Variants in LYSMD2 observed in about 807,000 individuals in gnomAD.
LYSMD2 encodes LysM domain containing 2.
In LYSMD2, 6 loss-of-function variants were observed where a neutral mutation model predicts 17.7. The observed-to-expected ratio is 0.34, with a 90% confidence interval of 0.19 to 0.67. The LOEUF is 0.67. Ranked by LOEUF, LYSMD2 falls within the 30% of genes least tolerant of loss-of-function variation. The pLI is 0.69. For synonymous variants in LYSMD2, 102 were observed against 129.8 expected, an observed-to-expected ratio of 0.79 and a Z score of 1.45; for missense variants, 237 against 286.7, an observed-to-expected ratio of 0.83 and a Z score of 1.25.
At chr15:51,746,727 C>A (rs1296601104) in intron 1 of LYSMD2, among the ~76,000 whole-genome samples, 1 of 152,034 alleles carries the variant, frequency 6.6e-6, no homozygotes, top group East Asian at 1.9e-4. Flanking sequence ...TTCATCTATA[C>A]CCCACCCCAC....
intron 1 of LYSMD2, among the ~76,000 whole-genome samples, chr15:51,750,674 T>C (rs1302549838): frequency 6.6e-6 from 1 of 152,210 alleles, no homozygotes; most frequent in South Asian, 2.1e-4. Flanking sequence ...AAGTTAAATC[T>C]AGATGCCATG....
upstream of LYSMD2, chr15:51,737,779 G>A (rs1015128004): frequency 1.2e-5 from 6 of 485,142 alleles, no homozygotes; most frequent in East Asian, 8.7e-5. The surrounding 1 kb of genome is among the most constrained non-coding windows in gnomAD (Gnocchi z 4.2). Flanking sequence ...CCGCAGGCCG[G>A]GCATGGCGGG....
At chr15:51,745,558 A>C (rs1165687886) in intron 1 of LYSMD2, among the ~76,000 whole-genome samples, 1 of 152,190 alleles carries the variant, frequency 6.6e-6, no homozygotes, top group Non-Finnish European at 1.5e-5. Flanking sequence ...CCCTTTTGTT[A>C]TAAGAACATT....
intron 1 of LYSMD2, among the ~76,000 whole-genome samples, chr15:51,728,176 T>C (rs2055552255): frequency 6.6e-6 from 1 of 152,124 alleles, no homozygotes; most frequent in Non-Finnish European, 1.5e-5. Flanking sequence ...ATGCCTGTAA[T>C]CCCAGCACTT....
intron 2 of LYSMD2, 99 bp from the exon 3 acceptor site, chr15:51,723,748 A>C: frequency 1.2e-6 from 1 of 860,796 alleles, no homozygotes. Context: ...CAAAGAAGGA[A>C]TATATCAACT....
At chr15:51,742,936 G>A (rs866598855) in intron 1 of LYSMD2, among the ~76,000 whole-genome samples, 9 of 152,198 alleles carry the variant, frequency 5.9e-5, no homozygotes, top group South Asian at 2.1e-4. Flanking sequence ...CAGTCCAGCC[G>A]GGGGGACACA....
chr15:51,731,283 G>A (rs143947775), intron 1 of LYSMD2, among the ~76,000 whole-genome samples: 9 of 152,322 alleles, frequency 5.9e-5, no homozygotes, highest in Middle Eastern at 3.4e-3. Flanking sequence ...CAAACACCCC[G>A]AATGACTAAA....
At chr15:51,734,822 AT>A (rs1485117141) in intron 1 of LYSMD2, among the ~76,000 whole-genome samples, 2 of 152,264 alleles carry the variant, frequency 1.3e-5, no homozygotes, top group Non-Finnish European at 2.9e-5. Flanking sequence ...GAAGAAAAAT[AT>A]TTTTCTGCCT....
chr15:51,731,199 T>A (rs2055574557), intron 1 of LYSMD2, among the ~76,000 whole-genome samples: 1 of 152,212 alleles, frequency 6.6e-6, no homozygotes, highest in Non-Finnish European at 1.5e-5. Flanking sequence ...AGTCATCGAA[T>A]CGTACACTTA....
chr15:51,733,542 T>C (rs11070865), intron 1 of LYSMD2, among the ~76,000 whole-genome samples: 58,914 of 151,424 alleles, frequency 0.39, 11,796 homozygotes, highest in Admixed American at 0.5. Context: ...ACATAGAGTG[T>C]GCAGAAAAGG....
intron 1 of LYSMD2, among the ~76,000 whole-genome samples, chr15:51,747,322 T>A (rs1206137398): frequency 6.7e-6 from 1 of 149,748 alleles, no homozygotes; most frequent in South Asian, 2.1e-4. Context: ...AGAAACCCCA[T>A]CTCTACTAAA....
In LYSMD2 at chr15:51,725,272, C is replaced by T. The variant is rs73405338; in HGVS notation, c.274-151G>A. 7.2e-3 allele frequency: 3,817 copies of T among 533,044 alleles called. 32 individuals carry two copies. The highest frequency in any genetic ancestry group is 0.024 in the African/African-American group (1,244 of 51,562). 33.0% of individuals were successfully genotyped at this position (533,044 alleles called of 1,614,324 possible). ...CTCTTCATTCAGGTTTGGTAACCTCCCCAGATATCTCTAGTTATTTCAAGA... is the reference window on the plus strand; with the variant it reads ...CTCTTCATTCAGGTTTGGTAACCTCTCCAGATATCTCTAGTTATTTCAAGA... On this transcript the variant is annotated intron_variant, in intron 1 of 2. Transcript: ENST00000267838.
chr15:51,723,779 G>A (rs1350303378), intron 2 of LYSMD2, 130 bp from the exon 3 acceptor site: 2 of 584,986 alleles, frequency 3.4e-6, no homozygotes, highest in Non-Finnish European at 5.8e-6. Flanking sequence ...TGCATGCCTA[G>A]ACAACTGTAT....
In LYSMD2 at chr15:51,750,360, G is replaced by A. The variant is rs78655311; in HGVS notation, c.-1+911C>T. 5.3e-3 allele frequency among the ~76,000 whole-genome samples: 811 copies of A among 152,264 alleles called. 7 individuals are homozygous for A. The highest frequency in any genetic ancestry group is 8.2e-3 in the Non-Finnish European group (556 of 68,002). On this transcript the variant is annotated intron_variant, in intron 1 of 2. Coordinates refer to the LYSMD2 transcript ENST00000454181. ...CTGCAGCACGTTTTTTTGGCCACACGATTACTGCACACCTCGTGCCAGACA... is the reference window on the plus strand; with the variant it reads ...CTGCAGCACGTTTTTTTGGCCACACAATTACTGCACACCTCGTGCCAGACA...
At chr15:51,727,549 G>C (rs1253631294) in intron 1 of LYSMD2, among the ~76,000 whole-genome samples, 1 of 152,186 alleles carries the variant, frequency 6.6e-6, no homozygotes, top group Non-Finnish European at 1.5e-5. Flanking sequence ...TCCTCTGAGA[G>C]TGTTATCTGT....
intron 1 of LYSMD2, among the ~76,000 whole-genome samples, chr15:51,733,275 AC>A (rs1416381712): frequency 1.4e-5 from 2 of 141,642 alleles, no homozygotes; most frequent in African/African-American, 5.3e-5. Flanking sequence ...GCCCTCCCCA[AC>A]TCCCTCTCCT....
In LYSMD2 at chr15:51,737,551, C is replaced by T; in HGVS notation, c.72G>A (p.Ser24=). Residue 24 remains serine (S), a synonymous_variant, in exon 1 of 3, where the codon TCG becomes TCA. Coordinates refer to ENST00000267838, the MANE Select transcript of LYSMD2 (RefSeq NM_153374.3). The surrounding 1 kb of genome is among the most constrained non-coding windows in gnomAD (Gnocchi z 4.2). ...AGCCGGAGCGCGAGCGCGGCGGCGG[C>T]GAGGGGGCCGAGGGCCGCGGCGCGC... ...GPRAPRPSAP[S]PPPRSRSGSE... 1 of 1,226,708 alleles carries T rather than the reference C, an allele frequency of 8.2e-7. No homozygotes were observed. Among genetic ancestry groups the T allele is most frequent in the Non-Finnish European group, 1.0e-6 (1 of 986,910 alleles). The allele number at this position is 1,226,708 out of a possible 1,614,324, so 76.0% of individuals were successfully genotyped here. A position where few individuals can be genotyped will look rare whatever the true frequency, so the allele number is the denominator to read the frequency against.
chr15:51,727,722 G>A (rs937263162), intron 1 of LYSMD2, among the ~76,000 whole-genome samples: 68 of 152,322 alleles, frequency 4.5e-4, no homozygotes, highest in Non-Finnish European at 4.4e-5. Context: ...CCTGGCTTCT[G>A]TACATACTGC....
intron 1 of LYSMD2, among the ~76,000 whole-genome samples, chr15:51,725,333 A>G: frequency 6.6e-6 from 1 of 152,228 alleles, no homozygotes; most frequent in East Asian, 1.9e-4. Context: ...TTTAAAAAGG[A>G]CAGACTAATT....
Sources: gnomAD v4.1 joint callset for allele counts (sites outside exome capture counted in the v4.1 genomes callset) on GRCh38, gnomAD v4.1.1 for gene constraint, Gnocchi (gnomAD v3.1) non-coding constraint, MANE v1.5 for transcripts, NCBI Gene and HGNC (gene_info 2026-07-23, HGNC 2026-07-21) for gene names.